Variants in VSX1 observed in about 807,000 individuals in gnomAD.
VSX1 encodes homeodomain protein RINX.
Under a neutral mutation model 23.6 loss-of-function variants are expected in VSX1, and 23 were observed. The observed-to-expected ratio is 0.97, with a 90% CI of 0.70 to 1.38. The LOEUF (loss-of-function observed/expected upper bound fraction) is 1.38, where lower values mean the gene tolerates loss of function less well. VSX1 is among the 40% of genes most tolerant of loss of function. The pLI, the probability that VSX1 is intolerant of heterozygous loss-of-function variation, is 0.00. For synonymous variants in VSX1, 247 were observed against 215.1 expected, an observed-to-expected ratio of 1.15 and a Z score of -1.30; for missense variants, 517 against 495.4, an observed-to-expected ratio of 1.04 and a Z score of -0.41.
chr20:25,076,756 G>T (rs902148232), intron 4 of VSX1, among the ~76,000 whole-genome samples: 19 of 152,136 alleles, frequency 1.2e-4, no homozygotes, highest in African/African-American at 4.3e-4. Flanking sequence ...ATCCAGCAAA[G>T]GTGTTTAGGA....
Position 25,081,686 on chromosome 20 carries a change from G to A in VSX1, c.411C>T (p.Ser137=), listed in dbSNP as rs906981096. The change falls in exon 1 of 5, where the codon AGC becomes AGT. Residue 137 remains serine, a synonymous_variant. Coordinates refer to ENST00000376709, the MANE Select transcript of VSX1 (RefSeq NM_014588.6). ...GGGCCTGATTACCGGACGTGGAGAC[G>A]CTGTCGCTGCGCTTCTGGCGGCCGA... The part of the protein sequence containing the change: ...PALGRQKRSD[S]VSTSDEDSQS... The A allele has an allele frequency of 5.3e-6, 8 of 1,515,300 alleles. No homozygotes were observed. The highest frequency in any genetic ancestry group is 1.2e-5 in the South Asian group (1 of 81,310). 93.9% of individuals were successfully genotyped at this position (1,515,300 alleles called of 1,614,324 possible).
chr20:25,077,575 T>C, intron 4 of VSX1, 110 bp downstream of exon 4: 1 of 1,324,382 alleles, frequency 7.6e-7, no homozygotes, highest in Non-Finnish European at 1.0e-6. Context: ...TGAATCTCAG[T>C]AAACTGACGT....
In VSX1 at chr20:25,081,621, G is replaced by A; in HGVS notation, c.424+52C>T. 2.6e-6 allele frequency: 4 copies of A among 1,538,570 alleles called. 1 individual carries two copies. In the South Asian group the frequency reaches 4.7e-5, roughly 18 times the overall value. ...GGGCGATGGTCTGTGACCCCTGCGC[G>A]GCTCAGAGCCTAGGGGACAGGGGCA... On this transcript the variant is annotated intron_variant, in intron 1 of 4. Coordinates refer to ENST00000376709, the MANE Select transcript of VSX1 (RefSeq NM_014588.6).
intron 3 of VSX1, 57 bp downstream of exon 3, chr20:25,078,772 T>G (rs1485609522): frequency 2.5e-6 from 4 of 1,614,016 alleles, no homozygotes. Context: ...TCACTGAATG[T>G]GGGAATGACA....
At position 25,078,951 on chromosome 20, in the gene VSX1, T is replaced by C. The variant is rs2089576244; in HGVS notation, c.505A>G (p.Thr169Ala). Residue 169 changes from threonine (T) to alanine (A), a missense_variant and splice_region_variant, in exon 3 of 5, where the codon ACA (threonine) becomes GCA (alanine). Transcript: ENST00000376709. ...LGKRKKRRHRTVFTAHQLEEL... is the reference protein window; with the variant it reads ...LGKRKKRRHRAVFTAHQLEEL... ...TCCAGCTGGTGAGCAGTGAAAACTG[T>C]CCTGCAAGGACCCCAAAACACACAG... The C allele has an allele frequency of 6.2e-7, 1 of 1,613,516 alleles. No homozygotes were observed. The highest frequency in any genetic ancestry group is 1.7e-5 in the Admixed American group (1 of 60,006).
chr20:25,072,262 A>G (rs1307407746), downstream of VSX1, among the ~76,000 whole-genome samples: 4 of 152,094 alleles, frequency 2.6e-5, no homozygotes, highest in African/African-American at 7.2e-5. Flanking sequence ...CCACACATAC[A>G]CCATGTCTTT....
chr20:25,073,784 C>T (rs2089430940), downstream of VSX1, among the ~76,000 whole-genome samples: 1 of 152,172 alleles, frequency 6.6e-6, no homozygotes, highest in Admixed American at 6.5e-5. Flanking sequence ...AAGCTTGAGT[C>T]CTGGATTCCT....
rs886056555 is a variant in VSX1, at chr20:25,076,172, A to G, written c.*89T>C. ...ATTGTCAGAAGAAAATCAAACTGAG[A>G]GTATATGTCTTGGACAATTTTTGTC... On this transcript the variant is annotated 3_prime_UTR_variant, in exon 5 of 5. Coordinates refer to ENST00000376709, the MANE Select transcript of VSX1 (RefSeq NM_014588.6). 1.3e-6 allele frequency: 2 copies of G among 1,563,776 alleles called. No individual in the cohort carries two copies. The highest frequency in any genetic ancestry group is 1.8e-6 in the Non-Finnish European group (2 of 1,138,100).
intron 1 of VSX1, 81 bp downstream of exon 1, chr20:25,081,592 G>C: frequency 1.9e-6 from 3 of 1,548,166 alleles, no homozygotes; most frequent in Non-Finnish European, 2.6e-6. Context: ...CCAGGGGTGC[G>C]GTGGGGCGAT....
chr20:25,071,236 C>A, downstream of VSX1: 1 of 452,742 alleles, frequency 2.2e-6, no homozygotes, highest in Non-Finnish European at 4.4e-6. Context: ...CACAGGTCAG[C>A]CATGCTAGCC....
chr20:25,081,523 T>C, intron 1 of VSX1, 150 bp downstream of exon 1: 1 of 1,185,492 alleles, frequency 8.4e-7, no homozygotes, highest in Non-Finnish European at 1.2e-6. Flanking sequence ...GCTCCGCGAA[T>C]GCCCCTCCCG....
chr20:25,076,650 T>C, intron 4 of VSX1, 100 bp from the exon 5 acceptor site: 1 of 1,379,800 alleles, frequency 7.2e-7, no homozygotes, highest in Middle Eastern at 2.6e-4. Flanking sequence ...CCCACTAGAA[T>C]TGTCCTTGTC....
At position 25,081,553 on chromosome 20, in the gene VSX1, G is replaced by A. The variant is rs977122513; in HGVS notation, c.424+120C>T. 4 of 1,464,296 alleles carry A rather than the reference G, an allele frequency of 2.7e-6. No homozygotes were observed. The African/African-American group carries it at 4.2e-5, about 15-fold the overall frequency. The allele number at this position is 1,464,296 out of a possible 1,614,324, so 90.7% of individuals were successfully genotyped here. On this transcript the variant is annotated intron_variant, in intron 1 of 4. Coordinates refer to ENST00000376709, the MANE Select transcript of VSX1 (RefSeq NM_014588.6). ...CTCCCGCGACGGGGCCTCGCTCTGG[G>A]CTCCCCGCCTAGATCTGGGCCGCTG...
intron 1 of VSX1, among the ~76,000 whole-genome samples, chr20:25,079,850 C>G (rs1015315965): frequency 4.6e-5 from 7 of 152,024 alleles, no homozygotes; most frequent in Non-Finnish European, 8.8e-5. Flanking sequence ...AATTCAAATC[C>G]CAGATTATCT....
At position 25,079,391 on chromosome 20, in the gene VSX1, G is replaced by A. The variant is rs377010559; in HGVS notation, c.503+45C>T. The A allele has an allele frequency of 2.4e-5, 38 of 1,566,352 alleles. No homozygotes were observed. The African/African-American group carries it at 4.9e-4, about 20-fold the overall frequency. On this transcript the variant is annotated intron_variant, in intron 2 of 4. Coordinates refer to ENST00000376709, the MANE Select transcript of VSX1 (RefSeq NM_014588.6). Reference sequence around the variant, plus strand: ...ATGCAGGTGCCATAAACCTTGGGCTGTGTCCCGAGGAAAGGCAGGCAGAGG... The same window carrying A: ...ATGCAGGTGCCATAAACCTTGGGCTATGTCCCGAGGAAAGGCAGGCAGAGG...
chr20:25,071,639 A>T (rs543493035), downstream of VSX1: 31 of 573,716 alleles, frequency 5.4e-5, no homozygotes, highest in Admixed American at 1.1e-4. Context: ...AGTTTCTGTA[A>T]GAGCAGCTTT....
At position 25,079,350 on chromosome 20, in the gene VSX1, G is replaced by A. The variant is rs1437571656; in HGVS notation, c.503+86C>T. On this transcript the variant is annotated intron_variant, in intron 2 of 4. Coordinates refer to ENST00000376709, the MANE Select transcript of VSX1 (RefSeq NM_014588.6). ...AACCACTGGGCCTGCTATCATGCCG[G>A]GCCATAAATTCTCAGATGCAGGTGC... 6.6e-6 allele frequency: 9 copies of A among 1,368,782 alleles called. No homozygotes were observed. The Admixed American group carries it at 6.8e-5, about 10-fold the overall frequency. The allele number at this position is 1,368,782 out of a possible 1,614,324, so 84.8% of individuals were successfully genotyped here.
Position 25,079,460 on chromosome 20 carries a change from C to A in VSX1, c.479G>T (p.Gly160Val), listed in dbSNP as rs74315433. 964 of 1,612,800 alleles carry A rather than the reference C, an allele frequency of 6.0e-4. 12 individuals are homozygous for A. In the East Asian group the frequency reaches 0.019, roughly 31 times the overall value. Residue 160 changes from glycine (G) to valine (V), a missense_variant, in exon 2 of 5, where the codon GGC becomes GTC. Physicochemically the swap from Gly to Val is moderately radical, Grantham distance 109. Transcript: ENST00000376709. ...RNDLKASPTL[G>V]KRKKRRHRTV... ...CCTGTGCCGCCGCTTCTTCCTCTTG[C>A]CCAAGGTGGGGGATGCCTTTAGGTC...
chr20:25,076,340 T>C lies in VSX1; in HGVS notation c.1019A>G (p.His340Arg), dbSNP rs1397785289. The C allele has an allele frequency of 8.7e-6, 14 of 1,614,008 alleles. No individual in the cohort carries two copies. Among genetic ancestry groups the C allele is most frequent in the African/African-American group, 1.3e-5 (1 of 74,918 alleles). ...SSARQETKKV[H>R]PGAGAQGGSN... ...GCCTCCTTGAGCACCAGCCCCAGGGTGCACTTTCTTGGTCTCCTGCCGGGC... is the reference window on the plus strand; with the variant it reads ...GCCTCCTTGAGCACCAGCCCCAGGGCGCACTTTCTTGGTCTCCTGCCGGGC... Residue 340 changes from histidine to arginine, a missense_variant, in exon 5 of 5, where the codon CAC becomes CGC. Transcript: ENST00000376709.
Sources: gnomAD v4.1 joint callset for allele counts (sites outside exome capture counted in the v4.1 genomes callset) on GRCh38, gnomAD v4.1.1 for gene constraint, MANE v1.5 for transcripts, NCBI Gene and HGNC (gene_info 2026-07-23, HGNC 2026-07-21) for gene names.